STK39: variants seen among roughly 807,000 people sequenced by gnomAD.
STK39 encodes serine/threonine kinase 39.
In STK39, 20 loss-of-function variants were observed where a neutral mutation model predicts 77.8. The observed-to-expected ratio is 0.26, with a 90% CI of 0.18 to 0.37. The LOEUF (loss-of-function observed/expected upper bound fraction) is 0.37. Among genes scored for constraint, STK39 ranks in the 10% least tolerant of loss-of-function variants. STK39 has a pLI of 1.00. For missense variants in STK39, 479 were observed against 656.5 expected, an observed-to-expected ratio of 0.73 and a Z score of 2.95; for synonymous variants, 246 against 234.1, an observed-to-expected ratio of 1.05 and a Z score of -0.47.
chr2:168,151,649 G>C (rs1242579742), intron 5 of STK39, among the ~76,000 whole-genome samples: 1 of 151,256 alleles, frequency 6.6e-6, no homozygotes, highest in African/African-American at 2.4e-5. Flanking sequence ...TGACGCAGGA[G>C]AATCGCTTGA....
intron 10 of STK39, among the ~76,000 whole-genome samples, chr2:168,091,376 T>C (rs1044019973): frequency 1.3e-5 from 2 of 152,206 alleles, no homozygotes; most frequent in African/African-American, 4.8e-5. Flanking sequence ...GTCTCTCTCA[T>C]TCAAAACTCA....
intron 10 of STK39, among the ~76,000 whole-genome samples, chr2:168,119,005 A>C (rs1687337871): frequency 6.6e-6 from 1 of 152,202 alleles, no homozygotes; most frequent in Admixed American, 6.5e-5. Flanking sequence ...CAGTAACTTT[A>C]ACCTCTCTGG....
chr2:167,957,372 C>G (rs570333728), intron 17 of STK39, among the ~76,000 whole-genome samples: 6 of 152,280 alleles, frequency 3.9e-5, no homozygotes, highest in African/African-American at 1.4e-4. Flanking sequence ...TGCTCTTCTC[C>G]TTATCACTTT....
chr2:168,057,617 T>C (rs1685560521), intron 14 of STK39, among the ~76,000 whole-genome samples: 1 of 152,190 alleles, frequency 6.6e-6, no homozygotes, highest in Non-Finnish European at 1.5e-5. Context: ...TAACCTCCAG[T>C]GATCCCTGTT....
chr2:168,050,550 T>C (rs556492698), intron 14 of STK39, among the ~76,000 whole-genome samples: 3 of 152,298 alleles, frequency 2.0e-5, no homozygotes, highest in African/African-American at 7.2e-5. Flanking sequence ...GAGAAAGAGA[T>C]CTTGCTTGTG....
chr2:168,026,300 C>T (rs1192172739), intron 14 of STK39, among the ~76,000 whole-genome samples: 1 of 152,196 alleles, frequency 6.6e-6, no homozygotes, highest in Non-Finnish European at 1.5e-5. Flanking sequence ...CACTCTGATC[C>T]ATCCTTCACA....
intron 1 of STK39, among the ~76,000 whole-genome samples, chr2:168,188,809 G>C (rs1324926467): frequency 6.6e-6 from 1 of 152,184 alleles, no homozygotes; most frequent in Admixed American, 6.5e-5. Flanking sequence ...CAAAGACAAA[G>C]AACAGTAACG....
At chr2:168,246,898 G>C (rs931442355) in intron 1 of STK39, among the ~76,000 whole-genome samples, 1 of 151,736 alleles carries the variant, frequency 6.6e-6, no homozygotes, top group Non-Finnish European at 1.5e-5. Context: ...CGGCACGCGG[G>C]GGGAGGAAGA....
At chr2:168,168,469 T>C (rs1574521732) in intron 2 of STK39, among the ~76,000 whole-genome samples, 1 of 152,180 alleles carries the variant, frequency 6.6e-6, no homozygotes, top group Non-Finnish European at 1.5e-5. Context: ...TGCCATTATG[T>C]ATTGATGAAA....
chr2:168,174,952 T>C (rs901555936), intron 2 of STK39, among the ~76,000 whole-genome samples: 1 of 152,090 alleles, frequency 6.6e-6, no homozygotes, highest in Non-Finnish European at 1.5e-5. Context: ...GCTGCTGTAT[T>C]TGGGTTCACC....
At chr2:168,166,692 A>C (rs1468026988) in intron 3 of STK39, among the ~76,000 whole-genome samples, 1 of 152,232 alleles carries the variant, frequency 6.6e-6, no homozygotes, top group Non-Finnish European at 1.5e-5. Context: ...TTAAAATTGA[A>C]TACTCAGTCC....
At chr2:168,220,108 T>C (rs529288871) in intron 1 of STK39, among the ~76,000 whole-genome samples, 5 of 152,218 alleles carry the variant, frequency 3.3e-5, no homozygotes, top group East Asian at 1.9e-4. Context: ...TAAATAGAGA[T>C]AAAGGTCTCA....
At position 168,169,696 on chromosome 2, in the gene STK39, T is replaced by C. The variant is rs569816418; in HGVS notation, c.322-2289A>G. ...AGAAAACCTGTAGAACCTATAGATA[T>C]AACTTAGCAAATTCTATTCCTTCAA... On this transcript the variant is annotated intron_variant, in intron 2 of 17. Transcript: ENST00000355999. Among the ~76,000 whole-genome samples, 15 of 149,760 alleles carry C rather than the reference T, an allele frequency of 1.0e-4. No individual in the cohort carries two copies. The South Asian group carries it at 2.7e-3, about 27-fold the overall frequency.
At chr2:167,997,416 T>C (rs995315417) in intron 16 of STK39, among the ~76,000 whole-genome samples, 2 of 152,100 alleles carry the variant, frequency 1.3e-5, no homozygotes, top group African/African-American at 4.8e-5. Flanking sequence ...GAACTACCCC[T>C]TACTGAGTGC....
At chr2:168,018,092 GATA>G (rs1178664470) in intron 14 of STK39, among the ~76,000 whole-genome samples, 2 of 152,132 alleles carry the variant, frequency 1.3e-5, no homozygotes, top group African/African-American at 2.4e-5. Flanking sequence ...TTTAAGAAAT[GATA>G]ATAAGGGGCA....
chr2:168,086,799 G>A (rs1686378118), intron 10 of STK39, among the ~76,000 whole-genome samples: 1 of 152,198 alleles, frequency 6.6e-6, no homozygotes, highest in Admixed American at 6.5e-5. Flanking sequence ...GCAATGTCTT[G>A]AAAGAGAATG....
intron 16 of STK39, among the ~76,000 whole-genome samples, chr2:168,001,657 T>C (rs1313168363): frequency 1.3e-5 from 2 of 152,174 alleles, no homozygotes; most frequent in African/African-American, 2.4e-5. Flanking sequence ...AACTTTCAAA[T>C]TTTTTTGATT....
chr2:168,009,305 G>C (rs76599421), intron 16 of STK39, among the ~76,000 whole-genome samples: 1 of 152,046 alleles, frequency 6.6e-6, no homozygotes, highest in South Asian at 2.1e-4. Context: ...TGCTAGGATT[G>C]GTTAGAGGGA....
At chr2:168,119,567 G>C (rs1687352111) in intron 10 of STK39, among the ~76,000 whole-genome samples, 1 of 152,170 alleles carries the variant, frequency 6.6e-6, no homozygotes, top group African/African-American at 2.4e-5. Context: ...AATTGACTAA[G>C]GTGTCTCTTG....
Sources: allele counts gnomAD v4.1 joint callset (sites outside exome capture counted in the v4.1 genomes callset), GRCh38; gene constraint gnomAD v4.1.1; transcripts MANE v1.5; gene names NCBI Gene and HGNC (gene_info 2026-07-23, HGNC 2026-07-21).